The following GREM2 variants were observed in gnomAD, a reference collection of about 807,000 sequenced individuals.
GREM2 encodes gremlin-2.
Under a neutral mutation model 14.2 loss-of-function variants are expected in GREM2, and 11 were observed. The observed-to-expected ratio is 0.78, with a 90% CI of 0.49 to 1.28. GREM2 has a LOEUF of 1.28. GREM2 is among the 50% of genes most tolerant of loss of function. The probability of loss-of-function intolerance (pLI) is 0.00; values close to 1 mark genes in which losing one functional copy is unlikely to be tolerated. For missense variants in GREM2, 210 were observed against 218.5 expected, an observed-to-expected ratio of 0.96 and a Z score of 0.24; for synonymous variants, 98 against 97.6, an observed-to-expected ratio of 1.00 and a Z score of -0.02.
intron 1 of GREM2, among the ~76,000 whole-genome samples, chr1:240,507,221 G>A (rs1185913478): frequency 6.6e-6 from 1 of 152,194 alleles, no homozygotes; most frequent in Non-Finnish European, 1.5e-5. Context: ...GGCTGAGAGT[G>A]AAACTCAGGG....
chr1:240,495,681 C>T (rs74149143), intron 1 of GREM2, among the ~76,000 whole-genome samples: 285 of 152,314 alleles, frequency 1.9e-3, no homozygotes, highest in African/African-American at 6.0e-3. Context: ...TGAATCCAGG[C>T]ATCCCGGCTC....
At chr1:240,547,316 C>G (rs180722953) in intron 1 of GREM2, among the ~76,000 whole-genome samples, 9 of 151,730 alleles carry the variant, frequency 5.9e-5, no homozygotes, top group Non-Finnish European at 1.3e-4. Flanking sequence ...CTGGCTAACA[C>G]TGCGAAACCC....
At chr1:240,552,384 C>G (rs551287801) in intron 1 of GREM2, among the ~76,000 whole-genome samples, 12 of 152,120 alleles carry the variant, frequency 7.9e-5, no homozygotes, top group Non-Finnish European at 1.6e-4. Context: ...AGTTTGAGAC[C>G]AGCCTGGACA....
chr1:240,591,831 T>G (rs891160033), intron 1 of GREM2, among the ~76,000 whole-genome samples: 1 of 152,002 alleles, frequency 6.6e-6, no homozygotes, highest in Non-Finnish European at 1.5e-5. Flanking sequence ...TCCCTGGCAA[T>G]CTGGTTTCCT....
chr1:240,585,449 A>G (rs998163374), intron 1 of GREM2, among the ~76,000 whole-genome samples: 2 of 151,938 alleles, frequency 1.3e-5, no homozygotes, highest in African/African-American at 4.8e-5. Flanking sequence ...TAAAGTTCTG[A>G]CTGGGCACGG....
intron 1 of GREM2, among the ~76,000 whole-genome samples, chr1:240,611,213 T>C (rs1420371021): frequency 1.3e-5 from 2 of 152,194 alleles, no homozygotes; most frequent in African/African-American, 4.8e-5. Context: ...TGTGAGATCC[T>C]GGAACTGAAC....
At chr1:240,593,393 A>T (rs1558176816) in intron 1 of GREM2, among the ~76,000 whole-genome samples, 1 of 152,144 alleles carries the variant, frequency 6.6e-6, no homozygotes, top group Non-Finnish European at 1.5e-5. Context: ...GATTCCACAC[A>T]CTGAGTCCTG....
chr1:240,511,271 A>G (rs934299628), intron 1 of GREM2, among the ~76,000 whole-genome samples: 1 of 152,218 alleles, frequency 6.6e-6, no homozygotes, highest in Non-Finnish European at 1.5e-5. Context: ...ATTCAGGAAA[A>G]AACCCAAACA....
At chr1:240,544,375 C>G (rs1678667901) in intron 1 of GREM2, among the ~76,000 whole-genome samples, 1 of 152,062 alleles carries the variant, frequency 6.6e-6, no homozygotes, top group Non-Finnish European at 1.5e-5. Context: ...TCTCGATCTC[C>G]TGACCTCATG....
intron 1 of GREM2, among the ~76,000 whole-genome samples, chr1:240,574,984 G>A (rs567575490): frequency 6.6e-6 from 1 of 151,924 alleles, no homozygotes; most frequent in Non-Finnish European, 1.5e-5. Flanking sequence ...GCGTGCGCCT[G>A]TACTCCCAGG....
At chr1:240,511,952 T>G (rs1436879471) in intron 1 of GREM2, among the ~76,000 whole-genome samples, 1 of 152,096 alleles carries the variant, frequency 6.6e-6, no homozygotes, top group Non-Finnish European at 1.5e-5. Context: ...AACTGACACT[T>G]CAAAACTCCA....
At chr1:240,521,943 C>A (rs1339927989) in intron 1 of GREM2, among the ~76,000 whole-genome samples, 3 of 151,734 alleles carry the variant, frequency 2.0e-5, no homozygotes, top group Non-Finnish European at 4.4e-5. Flanking sequence ...GAAACCCCAT[C>A]TCTACCAAAA....
chr1:240,582,620 AC>A (rs1679507989), intron 1 of GREM2, among the ~76,000 whole-genome samples: 1 of 151,900 alleles, frequency 6.6e-6, no homozygotes, highest in East Asian at 1.9e-4. Context: ...ACATGGTGAA[AC>A]CCCATCTCTA....
Position 240,573,111 on chromosome 1 carries a change from A to G in GREM2, c.-2+38773T>C, listed in dbSNP as rs1572404668. 2.0e-5 allele frequency among the ~76,000 whole-genome samples: 3 copies of G among 152,236 alleles called. 1 individual carries two copies. The East Asian group carries it at 5.8e-4, about 29-fold the overall frequency. The stretch of plus-strand genomic sequence containing the variant: ...AGTAATTAAGATAAATAATACTAAT[A>G]AAATATTTTTAAAAGAAACAGCAAA... On this transcript the variant is annotated intron_variant, in intron 1 of 1. Coordinates refer to ENST00000318160, the MANE Select transcript of GREM2 (RefSeq NM_022469.4).
intron 1 of GREM2, among the ~76,000 whole-genome samples, chr1:240,532,194 C>A (rs1296922602): frequency 6.6e-6 from 1 of 152,098 alleles, no homozygotes; most frequent in Non-Finnish European, 1.5e-5. Context: ...AGTGATTCTC[C>A]TGCCTCAGTC....
intron 1 of GREM2, among the ~76,000 whole-genome samples, chr1:240,589,953 T>G (rs1454529122): frequency 2.6e-5 from 4 of 152,090 alleles, no homozygotes; most frequent in Non-Finnish European, 4.4e-5. Flanking sequence ...AGGACCAGCA[T>G]GAGCCTAGAA....
intron 1 of GREM2, among the ~76,000 whole-genome samples, chr1:240,580,848 C>T (rs1331413955): frequency 6.6e-6 from 1 of 152,220 alleles, no homozygotes; most frequent in South Asian, 2.1e-4. Flanking sequence ...GCTGGGATTA[C>T]AGGCATGCAT....
At chr1:240,572,444 G>A (rs931438068) in intron 1 of GREM2, among the ~76,000 whole-genome samples, 9 of 152,296 alleles carry the variant, frequency 5.9e-5, no homozygotes, top group East Asian at 5.8e-4. Context: ...TGCATTCTAT[G>A]AAATTAGACA....
At chr1:240,545,499 TTGTACAAATTGTACAAAA>T (rs1241095921) in intron 1 of GREM2, among the ~76,000 whole-genome samples, 1 of 43,504 alleles carries the variant, frequency 2.3e-5, no homozygotes, top group East Asian at 9.6e-4. Context: ...ATTGTACAAA[TTGTACAAATTGTACAAAA>T]TTGTAACTAA....
Sources: gnomAD v4.1 joint callset for allele counts (sites outside exome capture counted in the v4.1 genomes callset) on GRCh38, gnomAD v4.1.1 for gene constraint, MANE v1.5 for transcripts, NCBI Gene and HGNC (gene_info 2026-07-23, HGNC 2026-07-21) for gene names.